Variants in SMOC2 observed in about 807,000 individuals in gnomAD.
SMOC2 encodes SPARC-related modular calcium-binding protein 2.
Under a neutral mutation model 61.4 loss-of-function variants are expected in SMOC2, and 39 were observed. That is an observed-to-expected ratio of 0.64 (90% CI 0.49 to 0.83). The LOEUF is 0.83. Ranked by LOEUF, SMOC2 falls within the 40% of genes least tolerant of loss-of-function variation. SMOC2 has a pLI of 0.00. For missense variants in SMOC2, 556 were observed against 592.9 expected, an observed-to-expected ratio of 0.94 and a Z score of 0.65; for synonymous variants, 247 against 239.9, an observed-to-expected ratio of 1.03 and a Z score of -0.27.
intron 7 of SMOC2, among the ~76,000 whole-genome samples, chr6:168,570,783 T>C (rs1217436709): frequency 2.0e-5 from 3 of 152,234 alleles, no homozygotes; most frequent in Non-Finnish European, 4.4e-5. Flanking sequence ...ATTTTAAGCA[T>C]TCTGTGATGG....
chr6:168,519,672 G>A (rs536272156), intron 2 of SMOC2, among the ~76,000 whole-genome samples: 1 of 152,258 alleles, frequency 6.6e-6, no homozygotes, highest in South Asian at 2.1e-4. Context: ...CAGAGCAGGG[G>A]CCTCTCCGCA....
chr6:168,571,395 A>T (rs929604686), intron 7 of SMOC2, among the ~76,000 whole-genome samples: 8 of 152,320 alleles, frequency 5.3e-5, no homozygotes, highest in Admixed American at 5.2e-4. Context: ...CATGTGCTCC[A>T]TACATAACCA....
At chr6:168,566,763 T>G (rs1190175814) in intron 7 of SMOC2, among the ~76,000 whole-genome samples, 1 of 152,142 alleles carries the variant, frequency 6.6e-6, no homozygotes, top group Non-Finnish European at 1.5e-5. Flanking sequence ...CCTCCCAAAG[T>G]GCTGGGATTA....
chr6:168,540,557 C>T (rs543399332), intron 4 of SMOC2, among the ~76,000 whole-genome samples: 4 of 152,242 alleles, frequency 2.6e-5, no homozygotes, highest in South Asian at 2.1e-4. Flanking sequence ...GCCAGGGGCA[C>T]GGAGCTAGGA....
intron 3 of SMOC2, among the ~76,000 whole-genome samples, chr6:168,526,705 A>G (rs540026654): frequency 2.6e-4 from 39 of 152,344 alleles, no homozygotes; most frequent in Non-Finnish European, 5.7e-4. Context: ...TGTCATTCAC[A>G]CTTTCATTAC....
At chr6:168,516,644 G>A (rs1783141103) in intron 2 of SMOC2, among the ~76,000 whole-genome samples, 1 of 152,116 alleles carries the variant, frequency 6.6e-6, no homozygotes, top group East Asian at 1.9e-4. Flanking sequence ...GGCCCACGGT[G>A]CAGGAAGTCC....
At chr6:168,519,608 C>G (rs1229382783) in intron 2 of SMOC2, among the ~76,000 whole-genome samples, 1 of 151,968 alleles carries the variant, frequency 6.6e-6, no homozygotes, top group Non-Finnish European at 1.5e-5. Flanking sequence ...ATCCAAAGGG[C>G]CTTTCCTTGT....
chr6:168,599,150 TACCCACACAC>T (rs1191156448), intron 8 of SMOC2, 146 bp downstream of exon 8: 2 of 684,786 alleles, frequency 2.9e-6, no homozygotes, highest in Admixed American at 6.1e-5. Context: ...ACCACACACA[TACCCACACAC>T]ACCCACGCTC....
At chr6:168,468,329 A>G (rs1781890103) in intron 1 of SMOC2, among the ~76,000 whole-genome samples, 1 of 152,220 alleles carries the variant, frequency 6.6e-6, no homozygotes, top group Non-Finnish European at 1.5e-5. Flanking sequence ...CACATGTTCT[A>G]AAGTGTTGGC....
chr6:168,541,351 C>G (rs1783873691), intron 4 of SMOC2, among the ~76,000 whole-genome samples: 1 of 152,244 alleles, frequency 6.6e-6, no homozygotes, highest in Non-Finnish European at 1.5e-5. Context: ...TGTTCACTGT[C>G]TGCAGACACT....
chr6:168,629,361 C>T (rs553887797), intron 9 of SMOC2, among the ~76,000 whole-genome samples: 4 of 152,226 alleles, frequency 2.6e-5, no homozygotes, highest in Admixed American at 6.5e-5. Flanking sequence ...CCCCATTCAT[C>T]GACCTCTTCC....
intron 7 of SMOC2, among the ~76,000 whole-genome samples, chr6:168,556,894 A>G (rs751196139): frequency 3.3e-5 from 5 of 151,436 alleles, no homozygotes; most frequent in Non-Finnish European, 7.4e-5. Flanking sequence ...GCTTGGGAGA[A>G]AAATGCCTTC....
At chr6:168,601,493 G>A (rs1785554169) in intron 8 of SMOC2, among the ~76,000 whole-genome samples, 1 of 152,236 alleles carries the variant, frequency 6.6e-6, no homozygotes, top group African/African-American at 2.4e-5. Flanking sequence ...GTTTTGGTAT[G>A]AGAATTATTA....
intron 9 of SMOC2, among the ~76,000 whole-genome samples, chr6:168,640,628 C>T (rs1786871906): frequency 6.6e-6 from 1 of 152,132 alleles, no homozygotes; most frequent in Non-Finnish European, 1.5e-5. Flanking sequence ...AGTACGGAAG[C>T]TTATTTCTTA....
intron 11 of SMOC2, among the ~76,000 whole-genome samples, chr6:168,658,871 CTG>C (rs148960064): frequency 1.3e-5 from 2 of 151,110 alleles, no homozygotes; most frequent in Admixed American, 6.6e-5. Flanking sequence ...ACAGCTCAGA[CTG>C]TGTGTGTGTG....
chr6:168,542,332 A>T (rs1374769216), intron 4 of SMOC2, among the ~76,000 whole-genome samples: 2 of 152,220 alleles, frequency 1.3e-5, no homozygotes, highest in Non-Finnish European at 1.5e-5. Flanking sequence ...CCTGGAAACA[A>T]TGTAATATGT....
At chr6:168,545,170 GTGGAAAGGGAGGAGGAGA>G (rs1193324854) in intron 5 of SMOC2, among the ~76,000 whole-genome samples, 1 of 152,048 alleles carries the variant, frequency 6.6e-6, no homozygotes, top group East Asian at 1.9e-4. Flanking sequence ...TTAATCAAAT[GTGGAAAGGGAGGAGGAGA>G]TGGAAGGATC....
In SMOC2 at chr6:168,441,267, C is replaced by T. The variant is rs143067962; in HGVS notation, c.-104C>T. On this transcript the variant is annotated 5_prime_UTR_variant, in exon 1 of 13. Transcript: ENST00000356284. ...GGTGGGGAGAGCATCGCGGAGCCGCCCCTCCACGCGCCCGCCCAGCCGCGC... is the reference window on the plus strand; with the variant it reads ...GGTGGGGAGAGCATCGCGGAGCCGCTCCTCCACGCGCCCGCCCAGCCGCGC... 0.083 allele frequency: 113,746 copies of T among 1,375,156 alleles called. 5,133 individuals are homozygous for T. The highest frequency in any genetic ancestry group is 0.092 in the Non-Finnish European group (98,455 of 1,074,148). The allele number at this position is 1,375,156 out of a possible 1,614,324, so 85.2% of individuals were successfully genotyped here. A position where few individuals can be genotyped will look rare whatever the true frequency, so the allele number is the denominator to read the frequency against.
rs971126043 is a variant in SMOC2 at position 168,667,880 on chromosome 6, A to C, written c.*1442A>C. On this transcript the variant is annotated 3_prime_UTR_variant, in exon 13 of 13. Transcript: ENST00000356284. Reference sequence around the variant, plus strand: ...ACAGAACCAGCTCAAGTACATGCCAATGTTGTTTAAGAAACAGTTATGATC... The same window carrying C: ...ACAGAACCAGCTCAAGTACATGCCACTGTTGTTTAAGAAACAGTTATGATC... 4 of 152,246 alleles carry C rather than the reference A, an allele frequency of 2.6e-5. 1 individual carries two copies. Among genetic ancestry groups the C allele is most frequent in the Non-Finnish European group, 5.9e-5 (4 of 68,056 alleles). The allele number at this position is 152,246 out of a possible 1,614,324, so 9.4% of individuals were successfully genotyped here.
Sources: allele counts gnomAD v4.1 joint callset (sites outside exome capture counted in the v4.1 genomes callset), GRCh38; gene constraint gnomAD v4.1.1; transcripts MANE v1.5; gene names NCBI Gene and HGNC (gene_info 2026-07-23, HGNC 2026-07-21).